The following COL24A1 variants were observed in gnomAD, a reference collection of about 807,000 sequenced individuals.
The protein encoded by COL24A1 is collagen type XXIV alpha 1 chain, also known as collagen alpha-1(XXIV) chain.
Under a neutral mutation model 253.9 loss-of-function variants are expected in COL24A1, and 224 were observed. The ratio of observed to expected loss-of-function variants is 0.88; its 90% CI spans 0.79 to 0.99. The LOEUF (loss-of-function observed/expected upper bound fraction) is 0.99. Ranked by LOEUF, COL24A1 falls within the 50% of genes least tolerant of loss-of-function variation. The pLI is 0.00. For synonymous variants in COL24A1, 685 were observed against 673.7 expected, an observed-to-expected ratio of 1.02 and a Z score of -0.26; for missense variants, 2,131 against 2,068.5, an observed-to-expected ratio of 1.03 and a Z score of -0.59.
intron 3 of COL24A1, 27 bp downstream of exon 3, chr1:86,124,817 AG>A: frequency 6.7e-7 from 1 of 1,482,976 alleles, no homozygotes; most frequent in Non-Finnish European, 8.9e-7. Flanking sequence ...TTAGCATATT[AG>A]GAGATATTAA....
intron 43 of COL24A1, 43 bp from the exon 44 acceptor site, chr1:85,823,781 T>A: frequency 6.4e-7 from 1 of 1,567,798 alleles, no homozygotes; most frequent in Non-Finnish European, 8.8e-7. Flanking sequence ...AGTAGAGACA[T>A]GTGACTTAAG....
intron 8 of COL24A1, among the ~76,000 whole-genome samples, chr1:86,062,008 A>G (rs1169036332): frequency 6.6e-6 from 1 of 152,074 alleles, no homozygotes; most frequent in Non-Finnish European, 1.5e-5. Context: ...AAATAGAATA[A>G]CAGCACTCAT....
chr1:85,743,465 T>C (rs1664862277), intron 57 of COL24A1, among the ~76,000 whole-genome samples: 1 of 152,188 alleles, frequency 6.6e-6, no homozygotes, highest in African/African-American at 2.4e-5. Flanking sequence ...TTGTATCTTG[T>C]GCTCCACTTC....
intron 2 of COL24A1, among the ~76,000 whole-genome samples, chr1:86,129,595 G>C (rs1648842424): frequency 6.6e-6 from 1 of 151,468 alleles, no homozygotes; most frequent in East Asian, 1.9e-4. Flanking sequence ...TTGATATGTA[G>C]CATTTTCATT....
intron 5 of COL24A1, among the ~76,000 whole-genome samples, chr1:86,106,265 T>C (rs1704972525): frequency 6.6e-6 from 1 of 152,010 alleles, no homozygotes; most frequent in Non-Finnish European, 1.5e-5. Flanking sequence ...GGATAGAACA[T>C]AGCACTAAGA....
chr1:86,139,367 T>C (rs1165339568), intron 2 of COL24A1, among the ~76,000 whole-genome samples: 1 of 152,032 alleles, frequency 6.6e-6, no homozygotes, highest in Admixed American at 6.6e-5. Context: ...CCTAAAGAAA[T>C]AGATATGGGA....
At chr1:85,881,502 G>A (rs569253728) in intron 32 of COL24A1, among the ~76,000 whole-genome samples, 62 of 152,052 alleles carry the variant, frequency 4.1e-4, no homozygotes, top group Middle Eastern at 3.4e-3. Context: ...GTACGCACCT[G>A]TAATCCCAGC....
In COL24A1 at chr1:85,987,635, C is replaced by T. The variant is rs767131203; in HGVS notation, c.2330G>A (p.Gly777Glu). 1 of 1,610,204 alleles carries T rather than the reference C, an allele frequency of 6.2e-7. No individual in the cohort carries two copies. Among genetic ancestry groups the T allele is most frequent in the Admixed American group, 1.7e-5 (1 of 59,606 alleles). Reference protein sequence around the residue: ...PGPEGFPGDIGIPGQNGPEGP... With the variant: ...PGPEGFPGDIEIPGQNGPEGP... ...TTCAGGGCCGTTTTGTCCAGGAATCCCAATATCTCCTGGAAAACCCTAGGG... is the reference window on the plus strand; with the variant it reads ...TTCAGGGCCGTTTTGTCCAGGAATCTCAATATCTCCTGGAAAACCCTAGGG... Residue 777 changes from glycine to glutamate, a missense_variant, in exon 20 of 60, where the codon GGG becomes GAG. Gly to Glu is a moderately conservative substitution (Grantham distance 98). Coordinates refer to ENST00000370571, the MANE Select transcript of COL24A1 (RefSeq NM_152890.7).
intron 14 of COL24A1, among the ~76,000 whole-genome samples, chr1:86,025,340 C>T (rs1331658995): frequency 2.0e-5 from 3 of 152,142 alleles, no homozygotes; most frequent in Non-Finnish European, 2.9e-5. Context: ...CCTCTGAGAA[C>T]TTCTGAGTTA....
At chr1:86,073,048 C>T (rs964245054) in intron 7 of COL24A1, among the ~76,000 whole-genome samples, 6 of 152,082 alleles carry the variant, frequency 3.9e-5, no homozygotes, top group African/African-American at 9.7e-5. Context: ...CAGAAAATTC[C>T]GAAAACCAGA....
intron 28 of COL24A1, among the ~76,000 whole-genome samples, chr1:85,899,673 A>G (rs1328245859): frequency 6.6e-6 from 1 of 152,236 alleles, no homozygotes; most frequent in Non-Finnish European, 1.5e-5. Flanking sequence ...TTTGGTCCAA[A>G]GATAGAAAAT....
chr1:85,922,213 G>C (rs181890199), intron 24 of COL24A1, among the ~76,000 whole-genome samples: 1 of 152,276 alleles, frequency 6.6e-6, no homozygotes, highest in African/African-American at 2.4e-5. Flanking sequence ...GAAAGTGATG[G>C]GGAGAATGGA....
At chr1:86,035,694 A>G (rs1164965670) in intron 12 of COL24A1, among the ~76,000 whole-genome samples, 2 of 152,126 alleles carry the variant, frequency 1.3e-5, no homozygotes, top group African/African-American at 4.8e-5. Flanking sequence ...CTGCCAAATT[A>G]TATACTTTAA....
At chr1:85,979,754 C>A (rs1336574283) in intron 20 of COL24A1, among the ~76,000 whole-genome samples, 4 of 149,918 alleles carry the variant, frequency 2.7e-5, no homozygotes, top group Non-Finnish European at 4.4e-5. Flanking sequence ...TTCTATCAGA[C>A]ATTCAAAGAA....
chr1:86,135,700 T>C (rs1031147778), intron 2 of COL24A1, among the ~76,000 whole-genome samples: 2 of 152,082 alleles, frequency 1.3e-5, no homozygotes, highest in African/African-American at 4.8e-5. Context: ...TATATTGCCT[T>C]CTTTTACTTT....
chr1:85,740,929 GA>G (rs1286917939), intron 57 of COL24A1, among the ~76,000 whole-genome samples: 1 of 123,658 alleles, frequency 8.1e-6, no homozygotes, highest in Non-Finnish European at 1.6e-5. Flanking sequence ...CCAAGACGGT[GA>G]AACCCTGTCT....
At chr1:85,967,510 G>T (rs1454517648) in intron 22 of COL24A1, among the ~76,000 whole-genome samples, 2 of 152,096 alleles carry the variant, frequency 1.3e-5, no homozygotes, top group Non-Finnish European at 2.9e-5. Flanking sequence ...AAAGAAAGAT[G>T]GTGGTTGGGG....
chr1:86,008,571 G>C (rs1696189563), intron 19 of COL24A1, among the ~76,000 whole-genome samples: 2 of 152,078 alleles, frequency 1.3e-5, no homozygotes, highest in Non-Finnish European at 2.9e-5. Flanking sequence ...TCACTATAAT[G>C]TTTCCACTAA....
At chr1:86,148,497 C>A (rs1393097236) in intron 1 of COL24A1, among the ~76,000 whole-genome samples, 2 of 152,050 alleles carry the variant, frequency 1.3e-5, no homozygotes, top group African/African-American at 4.8e-5. Context: ...TATCCCTCCC[C>A]CTTCCCCCCA....
Sources: gnomAD v4.1 joint callset for allele counts (sites outside exome capture counted in the v4.1 genomes callset) on GRCh38, gnomAD v4.1.1 for gene constraint, MANE v1.5 for transcripts, NCBI Gene and HGNC (gene_info 2026-07-23, HGNC 2026-07-21) for gene names.